The following PBLD variants were observed in gnomAD, a reference collection of about 807,000 sequenced individuals.
PBLD encodes phenazine biosynthesis-like domain-containing protein.
A neutral mutation model predicts 31.3 loss-of-function variants in PBLD; 26 were observed. The ratio of observed to expected loss-of-function variants is 0.83; its 90% CI spans 0.61 to 1.15. The LOEUF is 1.15. Ranked by LOEUF, PBLD falls within the 50% of genes most tolerant of loss-of-function variation. The probability of loss-of-function intolerance (pLI) is 0.00; values close to 1 mark genes in which losing one functional copy is unlikely to be tolerated. For missense variants in PBLD, 307 were observed against 351.7 expected, an observed-to-expected ratio of 0.87 and a Z score of 1.02; for synonymous variants, 114 against 129.0, an observed-to-expected ratio of 0.88 and a Z score of 0.79.
At chr10:68,288,802 A>G (rs1405033733) in intron 7 of PBLD, 129 bp downstream of exon 7, 2 of 1,274,622 alleles carry the variant, frequency 1.6e-6, no homozygotes, top group Non-Finnish European at 2.2e-6. Context: ...ATGTCTTCCT[A>G]TCAGGGAAAG....
chr10:68,304,429 T>C (rs2044549887), intron 2 of PBLD, among the ~76,000 whole-genome samples: 1 of 152,248 alleles, frequency 6.6e-6, no homozygotes, highest in Non-Finnish European at 1.5e-5. Context: ...ATGGACTTCC[T>C]TATCTTCTTT....
chr10:68,296,863 A>T (rs1256506329), intron 3 of PBLD, 23 bp downstream of exon 3: 5 of 723,686 alleles, frequency 6.9e-6, no homozygotes, highest in East Asian at 4.3e-5. Flanking sequence ...AACAGTTCTT[A>T]AAAAAAAAAA....
At chr10:68,330,745 T>C (rs914247711) in intron 1 of PBLD, among the ~76,000 whole-genome samples, 1 of 146,396 alleles carries the variant, frequency 6.8e-6, no homozygotes, top group Non-Finnish European at 1.5e-5. Flanking sequence ...TGTGTGTGTG[T>C]GTGTGTGTGT....
At chr10:68,323,799 T>C (rs2044872118) in intron 1 of PBLD, among the ~76,000 whole-genome samples, 2 of 152,204 alleles carry the variant, frequency 1.3e-5, no homozygotes, top group African/African-American at 4.8e-5. Context: ...ATAGTTATAT[T>C]CTTCACTGTA....
At chr10:68,294,339 C>T (rs1239818630) in intron 4 of PBLD, among the ~76,000 whole-genome samples, 4 of 152,160 alleles carry the variant, frequency 2.6e-5, no homozygotes, top group Non-Finnish European at 5.9e-5. Flanking sequence ...GGCCTCAGGA[C>T]TGGGACTCCA....
chr10:68,313,662 G>T (rs999413354), intron 1 of PBLD, among the ~76,000 whole-genome samples: 2 of 152,248 alleles, frequency 1.3e-5, no homozygotes, highest in East Asian at 1.9e-4. Flanking sequence ...CAAATTTTAT[G>T]AAAACACTTT....
At chr10:68,324,240 G>A (rs537658416) in intron 1 of PBLD, among the ~76,000 whole-genome samples, 19 of 151,352 alleles carry the variant, frequency 1.3e-4, no homozygotes, top group East Asian at 3.9e-4. Flanking sequence ...GCAGTGGCAC[G>A]ATCTGGGCTC....
chr10:68,326,055 G>T (rs1250127168), intron 1 of PBLD, among the ~76,000 whole-genome samples: 2 of 151,886 alleles, frequency 1.3e-5, no homozygotes, highest in African/African-American at 4.8e-5. Flanking sequence ...GAATGTACTT[G>T]ATTTTTCTGT....
intron 1 of PBLD, among the ~76,000 whole-genome samples, chr10:68,309,335 AG>A (rs1448400287): frequency 7.4e-6 from 1 of 135,836 alleles, no homozygotes; most frequent in African/African-American, 2.8e-5. Context: ...TGAACCTGTG[AG>A]GCGGAAGTTG....
chr10:68,330,709 C>T (rs1190001327), intron 1 of PBLD, among the ~76,000 whole-genome samples: 5 of 142,906 alleles, frequency 3.5e-5, no homozygotes, highest in South Asian at 4.6e-4. Context: ...CCACGCCCGG[C>T]GTGTGTGTGT....
chr10:68,285,096 A>G (rs994552958), intron 9 of PBLD: 2 of 1,310,444 alleles, frequency 1.5e-6, no homozygotes, highest in Non-Finnish European at 1.9e-6. Context: ...TTATACAGCT[A>G]TTTTATTCAA....
Position 68,284,273 on chromosome 10 carries a change from G to C in PBLD, c.771C>G (p.His257Gln). Residue 257 changes from histidine (H) to glutamine (Q), a missense_variant, in exon 10 of 10, where the codon CAC becomes CAG. Physicochemically the swap from His to Gln is conservative, Grantham distance 24 (BLOSUM62 0). Transcript: ENST00000358769. ...GGGAAATTCCCAGCTCTCCTCCTCG[G>C]TGGGAACACTGAAAAGCTAAAGAAA... ...KKEMHAFQCS[H>Q]RGGELGISLR... 6.2e-7 allele frequency: 1 copy of C among 1,613,692 alleles called. No individual in the cohort carries two copies. Among genetic ancestry groups the C allele is most frequent in the Non-Finnish European group, 8.5e-7 (1 of 1,179,696 alleles).
chr10:68,290,480 G>A (rs1300390809), intron 6 of PBLD, among the ~76,000 whole-genome samples: 1 of 152,164 alleles, frequency 6.6e-6, no homozygotes, highest in African/African-American at 2.4e-5. Context: ...CTCTTTGGGA[G>A]GCCGAGGCAG....
intron 2 of PBLD, 124 bp from the exon 3 acceptor site, chr10:68,297,109 T>C: frequency 1.3e-6 from 1 of 768,932 alleles, no homozygotes; most frequent in Non-Finnish European, 2.2e-6. Context: ...TAAAAGGAAA[T>C]AATTACCAAG....
In PBLD at chr10:68,282,757, A is replaced by T. The variant is rs2044246128; in HGVS notation, c.*1420T>A. 1 of 152,256 alleles carries T rather than the reference A, an allele frequency of 6.6e-6. No homozygotes were observed. Among genetic ancestry groups the T allele is most frequent in the South Asian group, 2.1e-4 (1 of 4,836 alleles). The allele number at this position is 152,256 out of a possible 1,614,324, so 9.4% of individuals were successfully genotyped here. ...TGCTTTAGCAAAAATCAGTAAAAAT[A>T]GAAAACATGGTAACAATTAAAGTGA... On this transcript the variant is annotated 3_prime_UTR_variant, in exon 10 of 10. Transcript: ENST00000358769.
intron 1 of PBLD, among the ~76,000 whole-genome samples, chr10:68,312,947 C>T (rs2044690424): frequency 6.6e-6 from 1 of 152,020 alleles, no homozygotes; most frequent in Non-Finnish European, 1.5e-5. Flanking sequence ...CTCTGTCACC[C>T]AGGCTGGAGT....
chr10:68,294,840 G>A (rs1278474931), intron 4 of PBLD, among the ~76,000 whole-genome samples: 2 of 152,150 alleles, frequency 1.3e-5, no homozygotes, highest in Admixed American at 6.5e-5. Context: ...CGATTCTCCT[G>A]CCTTAGCCTC....
At chr10:68,299,687 C>A (rs559333290) in intron 2 of PBLD, among the ~76,000 whole-genome samples, 5 of 152,020 alleles carry the variant, frequency 3.3e-5, no homozygotes, top group African/African-American at 1.2e-4. Context: ...AAAACCCCAT[C>A]ACTACTAAAA....
intron 1 of PBLD, among the ~76,000 whole-genome samples, chr10:68,327,024 C>T (rs753081528): frequency 2.6e-5 from 4 of 151,510 alleles, no homozygotes; most frequent in Admixed American, 6.6e-5. Context: ...TCCAGTCTGG[C>T]GACAGAGCGA....
Sources: gnomAD v4.1 joint callset for allele counts (sites outside exome capture counted in the v4.1 genomes callset) on GRCh38, gnomAD v4.1.1 for gene constraint, MANE v1.5 for transcripts, NCBI Gene and HGNC (gene_info 2026-07-23, HGNC 2026-07-21) for gene names.